The following OR7A17 variants were observed in gnomAD, a reference collection of about 807,000 sequenced individuals.
The protein encoded by OR7A17 is olfactory receptor family 7 subfamily A member 17, also known as olfactory receptor 7A17.
For missense variants in OR7A17, 366 were observed against 365.5 expected, an observed-to-expected ratio of 1.00 and a Z score of -0.01; for synonymous variants, 159 against 142.1, an observed-to-expected ratio of 1.12 and a Z score of -0.85.
chr19:14,883,867 A>G (rs544542957), intron 1 of OR7A17, among the ~76,000 whole-genome samples: 2 of 152,366 alleles, frequency 1.3e-5, no homozygotes, highest in African/African-American at 2.4e-5. Context: ...AGACCTAGAC[A>G]TAAAATTATA....
chr19:14,885,106 A>G (rs10408378), intron 1 of OR7A17, among the ~76,000 whole-genome samples: 16,607 of 152,292 alleles, frequency 0.11, 1,045 homozygotes, highest in South Asian at 0.2. Context: ...TCAGTAAACT[A>G]GGTATTGATG....
Position 14,881,191 on chromosome 19 carries a change from G to A in OR7A17, c.165C>T (p.Leu55=). The part of the protein sequence containing the change: ...IILATISDSH[L]HTPMYFFLSN... ...AGAGGAAGAAGTACATGGGGGTGTG[G>A]AGGTGGGAGTCTGAGATTGTGGCCA... is the stretch of plus-strand genomic sequence containing the variant. The change falls in exon 3 of 3, where the codon CTC becomes CTT. Residue 55 remains leucine (L), a synonymous_variant. Transcript: ENST00000641113. 1 of 1,614,018 alleles carries A rather than the reference G, an allele frequency of 6.2e-7. No homozygotes were observed. The highest frequency in any genetic ancestry group is 8.5e-7 in the Non-Finnish European group (1 of 1,179,982).
chr19:14,878,861 A>C lies in OR7A17; in HGVS notation c.*1565T>G, dbSNP rs2145117668. 1 of 152,156 alleles carries C rather than the reference A, an allele frequency of 6.6e-6. No individual in the cohort carries two copies. The highest frequency in any genetic ancestry group is 1.9e-4 in the East Asian group (1 of 5,150). 9.4% of individuals were successfully genotyped at this position (152,156 alleles called of 1,614,324 possible). A position where few individuals can be genotyped will look rare whatever the true frequency, so the allele number is the denominator to read the frequency against. On this transcript the variant is annotated 3_prime_UTR_variant, in exon 3 of 3. Transcript: ENST00000641113. ...CGGCTAATTTTTGCATTTTTAGTAG[A>C]GACAGGGTTTCACCATGTTGGCCAG...
intron 1 of OR7A17, among the ~76,000 whole-genome samples, chr19:14,882,238 A>G (rs2045116123): frequency 6.6e-6 from 1 of 152,226 alleles, no homozygotes; most frequent in Admixed American, 6.5e-5. Flanking sequence ...TATAAAACAG[A>G]GTCCCTACAA....
chr19:14,881,074 A>C lies in OR7A17; in HGVS notation c.282T>G (p.Tyr94Ter). 6.2e-7 allele frequency: 1 copy of C among 1,614,206 alleles called. No homozygotes were observed. Among genetic ancestry groups the C allele is most frequent in the African/African-American group, 1.3e-5 (1 of 75,050 alleles). ...AGCACATCTGGGTGATGCAGCCTGCATAGGTGATGACTCTGCTCTGTGTCT... is the reference window on the plus strand; with the variant it reads ...AGCACATCTGGGTGATGCAGCCTGCCTAGGTGATGACTCTGCTCTGTGTCT... ...NIQTQSRVIT[Y>*]AGCITQMCFF... Residue 94 changes from tyrosine to a stop codon, truncating the protein, a stop_gained, in exon 3 of 3, where the codon TAT (tyrosine) becomes TAG (stop). Transcript: ENST00000641113. LOFTEE classifies it low-confidence loss of function (END_TRUNC).
rs756808519 is a variant in OR7A17 at position 14,880,606 on chromosome 19, TAAAG to T, written c.746_749del (p.Ser249TyrfsTer7). The T allele has an allele frequency of 1.9e-6, 3 of 1,614,036 alleles. No homozygotes were observed. The highest frequency in any genetic ancestry group is 2.5e-6 in the Non-Finnish European group (3 of 1,180,020). ...ACACACCTAGGCCCGTACAACAAAA[TAAAG>T]AGACAACTGAGAGGTGTGATGCACA... On this transcript the variant is annotated frameshift_variant, in exon 3 of 3. Coordinates refer to ENST00000641113, the MANE Select transcript of OR7A17 (RefSeq NM_030901.2). LOFTEE classifies it low-confidence loss of function (END_TRUNC).
intron 1 of OR7A17, chr19:14,884,862 A>G (rs2045129054): frequency 6.6e-6 from 1 of 152,242 alleles, no homozygotes. Flanking sequence ...ATGAACATCA[A>G]TGTGAAAATC....
chr19:14,883,722 G>A (rs10423834), intron 1 of OR7A17, among the ~76,000 whole-genome samples: 17,239 of 152,166 alleles, frequency 0.11, 1,105 homozygotes, highest in South Asian at 0.2. Flanking sequence ...AATGTTATGG[G>A]ATTAAAGCCA....
rs576757984 is a variant in OR7A17 at position 14,880,537 on chromosome 19, T to A, written c.819A>T (p.Thr273=). The A allele has an allele frequency of 6.2e-7, 1 of 1,614,200 alleles. No individual in the cohort carries two copies. The highest frequency in any genetic ancestry group is 2.2e-5 in the East Asian group (1 of 44,884). The change falls in exon 3 of 3, where the codon ACA becomes ACT. Residue 273 remains threonine (T), a synonymous_variant. Coordinates refer to ENST00000641113, the MANE Select transcript of OR7A17 (RefSeq NM_030901.2). ...TGGCCACAGTGTACATCACTGAGGC[T>A]GTTGCACTTGTGTGTGAGTTGTGGG... ...AATHNSHTSA[T]ASVMYTVATP...
In OR7A17 at chr19:14,881,313, GA is replaced by G. The variant is rs1411022687; in HGVS notation, c.42del (p.Leu15TrpfsTer96). 1 of 1,587,978 alleles carries G rather than the reference GA, an allele frequency of 6.3e-7. No individual in the cohort carries two copies. Among genetic ancestry groups the G allele is most frequent in the Non-Finnish European group, 8.6e-7 (1 of 1,166,036 alleles). On this transcript the variant is annotated frameshift_variant, in exon 3 of 3. Coordinates refer to ENST00000641113, the MANE Select transcript of OR7A17 (RefSeq NM_030901.2). LOFTEE classifies it low-confidence loss of function (END_TRUNC). The part of the protein sequence containing the change: ...ENDTGISEFV[L>X]LGLSEEPELQ... The stretch of plus-strand genomic sequence containing the variant: ...AATTCTGGTTCCTCAGAAAGTCCCA[GA>G]AGAACAAATTCTGAAATCCCTGTGT...
At position 14,880,382 on chromosome 19, in the gene OR7A17, C is replaced by T. The variant is rs757441760; in HGVS notation, c.*44G>A. ...TGAATCACAATTTCTGAGTATGAGA[C>T]TTAAAGCTCTGAAATCACAGTTATT... On this transcript the variant is annotated 3_prime_UTR_variant, in exon 3 of 3. Transcript: ENST00000641113. 6.8e-7 allele frequency: 1 copy of T among 1,480,842 alleles called. No homozygotes were observed. Among genetic ancestry groups the T allele is most frequent in the Non-Finnish European group, 9.1e-7 (1 of 1,095,428 alleles). 91.7% of individuals were successfully genotyped at this position (1,480,842 alleles called of 1,614,324 possible).
intron 1 of OR7A17, among the ~76,000 whole-genome samples, chr19:14,882,729 A>G (rs1395107486): frequency 6.6e-6 from 1 of 152,018 alleles, no homozygotes; most frequent in African/African-American, 2.4e-5. Context: ...TGGCTTTTCT[A>G]TTATGAGATA....
intron 1 of OR7A17, among the ~76,000 whole-genome samples, chr19:14,884,156 G>C (rs1268093775): frequency 6.6e-6 from 1 of 152,120 alleles, no homozygotes; most frequent in African/African-American, 2.4e-5. Flanking sequence ...CGAATACATA[G>C]ATAACTACAT....
chr19:14,882,986 G>A (rs1484396067), intron 1 of OR7A17, among the ~76,000 whole-genome samples: 1 of 152,196 alleles, frequency 6.6e-6, no homozygotes. Context: ...GATAGCATGT[G>A]AGACAGCCTT....
chr19:14,883,045 T>G (rs920484485), intron 1 of OR7A17, among the ~76,000 whole-genome samples: 11 of 152,240 alleles, frequency 7.2e-5, no homozygotes, highest in Non-Finnish European at 1.6e-4. Flanking sequence ...CTTTAATTAT[T>G]CAGGGTCTTT....
intron 1 of OR7A17, among the ~76,000 whole-genome samples, chr19:14,882,086 GCT>G (rs35963447): frequency 2.6e-4 from 39 of 147,478 alleles, no homozygotes; most frequent in South Asian, 6.5e-4. Context: ...ACGCTCTCTC[GCT>G]CTCTCTCTCT....
chr19:14,883,693 G>T (rs2045123293), intron 1 of OR7A17, among the ~76,000 whole-genome samples: 1 of 152,138 alleles, frequency 6.6e-6, no homozygotes, highest in African/African-American at 2.4e-5. Flanking sequence ...AAAGCAATGA[G>T]ACGTGATAAA....
In OR7A17 at chr19:14,880,617, C is replaced by T; in HGVS notation, c.739G>A (p.Val247Ile). The T allele has an allele frequency of 6.2e-7, 1 of 1,614,148 alleles. No homozygotes were observed. Among genetic ancestry groups the T allele is most frequent in the South Asian group, 1.1e-5 (1 of 91,080 alleles). Residue 247 changes from valine to isoleucine, a missense_variant, in exon 3 of 3, where the codon GTT becomes ATT. Val to Ile is a conservative substitution (Grantham distance 29). Coordinates refer to ENST00000641113, the MANE Select transcript of OR7A17 (RefSeq NM_030901.2). ...CCCGTACAACAAAATAAAGAGACAA[C>T]TGAGAGGTGTGATGCACAGGTGGAA... is the stretch of plus-strand genomic sequence containing the variant. ...AFSTCASHLSVVSLFCCTGLG... is the reference protein window; with the variant it reads ...AFSTCASHLSIVSLFCCTGLG...
At position 14,880,352 on chromosome 19, in the gene OR7A17, A is replaced by T. The variant is rs1194124290; in HGVS notation, c.*74T>A. ...GAGCAAATTCCACTTTCACAACCTGATTCGTGAATCACAATTTCTGAGTAT... is the reference window on the plus strand; with the variant it reads ...GAGCAAATTCCACTTTCACAACCTGTTTCGTGAATCACAATTTCTGAGTAT... On this transcript the variant is annotated 3_prime_UTR_variant, in exon 3 of 3. Coordinates refer to ENST00000641113, the MANE Select transcript of OR7A17 (RefSeq NM_030901.2). The T allele has an allele frequency of 7.6e-7, 1 of 1,316,676 alleles. No homozygotes were observed. The highest frequency in any genetic ancestry group is 1.5e-5 in the African/African-American group (1 of 67,794). 81.6% of individuals were successfully genotyped at this position (1,316,676 alleles called of 1,614,324 possible). A position where few individuals can be genotyped will look rare whatever the true frequency, so the allele number is the denominator to read the frequency against.
Sources: gnomAD v4.1 joint callset for allele counts (sites outside exome capture counted in the v4.1 genomes callset) on GRCh38, gnomAD v4.1.1 for gene constraint, MANE v1.5 for transcripts, NCBI Gene and HGNC (gene_info 2026-07-23, HGNC 2026-07-21) for gene names.